The following SCART1 variants were observed in gnomAD, a reference collection of about 807,000 sequenced individuals.
SCART1 encodes scavenger receptor cysteine-rich domain-containing protein SCART1.
SCART1 carries 62 observed loss-of-function variants against 36.2 expected under a neutral mutation model. The ratio of observed to expected loss-of-function variants is 1.71; its 90% CI spans 1.40 to 2.12. SCART1 has a LOEUF of 2.12. Among genes scored for constraint, SCART1 ranks in the 30% most tolerant of loss-of-function variants. The pLI is 0.00. For missense variants in SCART1, 1,041 were observed against 540.5 expected (o/e 1.93, Z -9.18); for synonymous variants, 487 against 238.7 (o/e 2.04, Z -9.59).
chr10:133,458,442 G>A (rs1461265940), exon 4 of SCART1: 5 of 699,296 alleles, frequency 7.2e-6, no homozygotes, highest in South Asian at 3.0e-5. Flanking sequence ...TCTGTGATGC[G>A]GCCCTGGACC....
exon 10 of SCART1, chr10:133,466,336 A>G (rs1290359639): frequency 4.3e-6 from 3 of 703,000 alleles, no homozygotes; most frequent in Admixed American, 4.0e-5. Context: ...TCTGGGCCTC[A>G]TGGCTTTTCT....
At chr10:133,464,381 G>A (rs1029834281) in intron 6 of SCART1, 21 of 493,460 alleles carry the variant, frequency 4.3e-5, no homozygotes, top group South Asian at 2.4e-4. Flanking sequence ...GAACCTGGGC[G>A]TGCAGATGTT....
chr10:133,467,331 G>A (rs1229304095), exon 11 of SCART1: 1 of 702,526 alleles, frequency 1.4e-6, no homozygotes, highest in Middle Eastern at 2.3e-4. Context: ...GAAGTGTGGT[G>A]AAGGTGGACA....
At chr10:133,465,268 G>A (rs750822451) in exon 9 of SCART1, 4 of 690,218 alleles carry the variant, frequency 5.8e-6, no homozygotes, top group African/African-American at 5.3e-5. Flanking sequence ...CGCACTGCGC[G>A]TGCGCGGGGG....
chr10:133,465,477 C>T, exon 9 of SCART1: 1 of 521,818 alleles, frequency 1.9e-6, no homozygotes, highest in South Asian at 2.7e-5. Context: ...GGTGCCGGGG[C>T]AGCGAGGCGT....
At chr10:133,465,153 T>C in exon 8 of SCART1, 1 of 703,004 alleles carries the variant, frequency 1.4e-6, no homozygotes, top group Non-Finnish European at 2.6e-6. Flanking sequence ...CCTCAACTGC[T>C]CCTCCTGGCT....
chr10:133,456,469 C>T (rs550689689), exon 2 of SCART1: 28 of 701,870 alleles, frequency 4.0e-5, no homozygotes, highest in Middle Eastern at 2.3e-4. Context: ...GCCGGGGCAA[C>T]GAGTCCTCCC....
intron 10 of SCART1, chr10:133,466,981 C>A (rs1235171795): frequency 1.3e-5 from 6 of 472,846 alleles, no homozygotes; most frequent in Non-Finnish European, 2.3e-5. Flanking sequence ...TTGGGGCCCA[C>A]TGGGAAGCAT....
At chr10:133,455,790 T>G (rs1850601512) in intron 1 of SCART1, among the ~76,000 whole-genome samples, 1 of 151,958 alleles carries the variant, frequency 6.6e-6, no homozygotes, top group Non-Finnish European at 1.5e-5. Flanking sequence ...TACTCAGGGT[T>G]GCAGAGGACA....
chr10:133,459,794 G>C lies in SCART1; in HGVS notation c.1593G>C (p.Val531=), dbSNP rs1427357299. ...CGGGGACCTCGCGGGACGCCGGCGT[G>C]GTGTGCTCCGGTGAGGTCGGAACCG... The change falls in exon 6 of 12, where the codon GTG becomes GTC. Residue 531 remains valine (V), a synonymous_variant. Coordinates refer to ENST00000640237, the Ensembl canonical transcript of SCART1. 4.6e-6 allele frequency: 3 copies of C among 655,418 alleles called. No individual in the cohort carries two copies. In the Admixed American group the frequency reaches 6.8e-5, roughly 15 times the overall value. The allele number at this position is 655,418 out of a possible 1,614,324, so 40.6% of individuals were successfully genotyped here.
chr10:133,454,315 C>A (rs1016001527), intron 1 of SCART1, among the ~76,000 whole-genome samples: 1 of 152,122 alleles, frequency 6.6e-6, no homozygotes, highest in Non-Finnish European at 1.5e-5. Flanking sequence ...AGGCCCTGGA[C>A]AAAATGAGGG....
At position 133,458,895 on chromosome 10, in the gene SCART1, G is replaced by A. The variant is rs910071263; in HGVS notation, c.980-126G>A. On this transcript the variant is annotated intron_variant, in intron 4 of 11. Transcript: ENST00000640237. ...GGATGCTGATGCAGAGGAGGGTGGGGGAGCTGGTGAGACCAAGGCTGGGCT... is the reference window on the plus strand; with the variant it reads ...GGATGCTGATGCAGAGGAGGGTGGGAGAGCTGGTGAGACCAAGGCTGGGCT... 6.4e-6 allele frequency: 4 copies of A among 624,082 alleles called. No homozygotes were observed. In the African/African-American group the frequency reaches 7.4e-5, roughly 12 times the overall value. 38.7% of individuals were successfully genotyped at this position (624,082 alleles called of 1,614,324 possible). A position where few individuals can be genotyped will look rare whatever the true frequency, so the allele number is the denominator to read the frequency against.
At chr10:133,458,238 T>C (rs1564833880) in intron 3 of SCART1, 122 bp from the exon 4 acceptor site, 1 of 700,940 alleles carries the variant, frequency 1.4e-6, no homozygotes, top group African/African-American at 1.7e-5. Context: ...CTGTGCTTGG[T>C]AGACCCTCTG....
chr10:133,465,294 C>T (rs778555580), exon 9 of SCART1: 3 of 681,384 alleles, frequency 4.4e-6, no homozygotes, highest in Admixed American at 2.1e-5. Flanking sequence ...ACCGCTGCTC[C>T]GGGCGCGTGG....
intron 3 of SCART1, 169 bp from the exon 4 acceptor site, chr10:133,458,191 G>T (rs902883369): frequency 1.4e-6 from 1 of 700,158 alleles, no homozygotes; most frequent in African/African-American, 1.7e-5. Context: ...TCTGCTCTGG[G>T]TGCCGGGTGG....
exon 5 of SCART1, chr10:133,459,082 G>A: frequency 1.4e-6 from 1 of 696,934 alleles, no homozygotes; most frequent in Non-Finnish European, 2.6e-6. Flanking sequence ...AGGTGCAGGG[G>A]TCCTGGGCAC....
exon 2 of SCART1, chr10:133,456,238 T>C (rs2133549362): frequency 1.4e-6 from 1 of 701,928 alleles, no homozygotes; most frequent in East Asian, 2.7e-5. Flanking sequence ...TGTCTGTAGG[T>C]GGACCAGGTG....
rs868171537 is a variant in SCART1, at chr10:133,464,761, G to A, written c.2125G>A (p.Val709Met). Residue 709 changes from valine (V) to methionine (M), a missense_variant, in exon 7 of 12, where the codon GTG becomes ATG. Transcript: ENST00000640237. ...GCAGCTGGGGTGTGGGGTGTGGGGA[G>A]TGGGGCTGGCTGGAGAACAGGCCCT... 3 of 698,136 alleles carry A rather than the reference G, an allele frequency of 4.3e-6. No homozygotes were observed. In the Admixed American group the frequency reaches 6.0e-5, roughly 14 times the overall value. The allele number at this position is 698,136 out of a possible 1,614,324, so 43.2% of individuals were successfully genotyped here.
chr10:133,467,762 T>C, intron 11 of SCART1, 85 bp from the exon 12 acceptor site: 1 of 575,024 alleles, frequency 1.7e-6, no homozygotes, highest in Non-Finnish European at 3.1e-6. Context: ...TGTTTATGCG[T>C]TCCTGTCTTA....
Sources: gnomAD v4.1 joint callset for allele counts (sites outside exome capture counted in the v4.1 genomes callset) on GRCh38, gnomAD v4.1.1 for gene constraint, MANE v1.5 for transcripts, NCBI Gene and HGNC (gene_info 2026-07-23, HGNC 2026-07-21) for gene names.